The following ERBB4 variants were observed in gnomAD, a reference collection of about 807,000 sequenced individuals.
The protein encoded by ERBB4 is erb-b2 receptor tyrosine kinase 4, also known as receptor tyrosine-protein kinase erbB-4.
A neutral mutation model predicts 158.0 loss-of-function variants in ERBB4; 42 were observed. That is an observed-to-expected ratio of 0.27 (90% confidence interval 0.21 to 0.34). The LOEUF is 0.34. Among genes scored for constraint, ERBB4 ranks in the 10% least tolerant of loss-of-function variants. The pLI is 1.00. For missense variants in ERBB4, 1,333 were observed against 1,624.1 expected, an observed-to-expected ratio of 0.82 and a Z score of 3.08; for synonymous variants, 583 against 558.7, an observed-to-expected ratio of 1.04 and a Z score of -0.61.
Position 211,755,434 on chromosome 2 carries a change from G to A in ERBB4, c.557-4730C>T, listed in dbSNP as rs1005439056. Among the ~76,000 whole-genome samples the A allele has an allele frequency of 8.1e-4, 123 of 152,148 alleles. 1 individual carries two copies. Among genetic ancestry groups the A allele is most frequent in the Admixed American group, 3.9e-4 (6 of 15,282 alleles). ...GGAGGATCACTGGAACCTGGGAGGC[G>A]AAGGTTGCAGTGAGCCATGATTGCT... On this transcript the variant is annotated intron_variant, in intron 4 of 27. Coordinates refer to ENST00000342788, the MANE Select transcript of ERBB4 (RefSeq NM_005235.3).
chr2:211,791,472 T>C (rs1334618575), intron 3 of ERBB4, among the ~76,000 whole-genome samples: 1 of 151,844 alleles, frequency 6.6e-6, no homozygotes, highest in Non-Finnish European at 1.5e-5. Flanking sequence ...ATTTAATTGA[T>C]ACTCAAAGAA....
At chr2:212,194,824 G>T (rs764991492) in intron 1 of ERBB4, among the ~76,000 whole-genome samples, 4 of 151,968 alleles carry the variant, frequency 2.6e-5, no homozygotes, top group Non-Finnish European at 5.9e-5. Flanking sequence ...ATATTAAAAT[G>T]ATATACTTCC....
chr2:212,359,829 C>A (rs2089615643), intron 1 of ERBB4, among the ~76,000 whole-genome samples: 1 of 151,224 alleles, frequency 6.6e-6, no homozygotes, highest in Non-Finnish European at 1.5e-5. Flanking sequence ...ACATTTACCA[C>A]AGAAACAAAG....
At chr2:212,143,796 T>A (rs2080566538) in intron 1 of ERBB4, among the ~76,000 whole-genome samples, 1 of 151,910 alleles carries the variant, frequency 6.6e-6, no homozygotes, top group Non-Finnish European at 1.5e-5. Context: ...GGCGGGCGGA[T>A]CACAAGGTCA....
At chr2:211,821,773 A>G (rs2077000518) in intron 3 of ERBB4, among the ~76,000 whole-genome samples, 1 of 152,014 alleles carries the variant, frequency 6.6e-6, no homozygotes, top group African/African-American at 2.4e-5. Context: ...AGTTTGTTTA[A>G]CAAATGGCGC....
chr2:211,432,559 A>G lies in ERBB4; in HGVS notation c.2488-1459T>C, dbSNP rs185414178. ...GTACATTAAATTAGAAATTCCTATA[A>G]TAAAGTACATCTGAGAACATATAGC... On this transcript the variant is annotated intron_variant, in intron 20 of 27. Coordinates refer to ENST00000342788, the MANE Select transcript of ERBB4 (RefSeq NM_005235.3). 6.6e-5 allele frequency among the ~76,000 whole-genome samples: 10 copies of G among 152,208 alleles called. No homozygotes were observed. The East Asian group carries it at 1.9e-3, about 29-fold the overall frequency.
intron 1 of ERBB4, among the ~76,000 whole-genome samples, chr2:212,455,356 T>C (rs1427397753): frequency 1.6e-5 from 2 of 123,630 alleles, no homozygotes; most frequent in Non-Finnish European, 4.1e-5. Context: ...ATCACCCTCC[T>C]AATCTTATCG....
chr2:211,905,194 A>T (rs774590924), intron 3 of ERBB4, among the ~76,000 whole-genome samples: 1 of 152,044 alleles, frequency 6.6e-6, no homozygotes, highest in Non-Finnish European at 1.5e-5. Context: ...TCCGGAGAAC[A>T]ATCTGTTCAC....
At chr2:211,676,612 G>A (rs145390946) in intron 13 of ERBB4, among the ~76,000 whole-genome samples, 117 of 152,212 alleles carry the variant, frequency 7.7e-4, no homozygotes, top group Middle Eastern at 6.8e-3. Flanking sequence ...GATACCTTAC[G>A]TTCTAGCATT....
chr2:212,110,502 A>T (rs573081508), intron 2 of ERBB4, among the ~76,000 whole-genome samples: 38 of 152,344 alleles, frequency 2.5e-4, no homozygotes, highest in Non-Finnish European at 2.8e-4. Context: ...TGGAGTAATA[A>T]AGCAGTCACT....
At chr2:211,673,440 T>A (rs1382491720) in intron 13 of ERBB4, among the ~76,000 whole-genome samples, 183 bp from the exon 14 acceptor site, 1 of 146,582 alleles carries the variant, frequency 6.8e-6, no homozygotes, top group Non-Finnish European at 1.5e-5. Context: ...GCCAGATGGC[T>A]CTCCCTGTCC....
intron 2 of ERBB4, among the ~76,000 whole-genome samples, chr2:212,075,391 G>C (rs1413744921): frequency 6.6e-6 from 1 of 151,684 alleles, no homozygotes; most frequent in African/African-American, 2.4e-5. Flanking sequence ...GGATGAAAAA[G>C]GGAATAAAAT....
chr2:211,776,791 T>C lies in ERBB4; in HGVS notation c.556+11234A>G, dbSNP rs571399287. 7.9e-5 allele frequency among the ~76,000 whole-genome samples: 12 copies of C among 152,270 alleles called. No individual in the cohort carries two copies. The South Asian group carries it at 2.5e-3, about 32-fold the overall frequency. ...ATATGGTTGATTTAGGGGTATGTTA[T>C]ATTGGGGCAGTGCTTTCAGAGGGAT... On this transcript the variant is annotated intron_variant, in intron 4 of 27. Transcript: ENST00000342788.
At chr2:212,481,072 C>A (rs1689670193) in intron 1 of ERBB4, among the ~76,000 whole-genome samples, 1 of 151,962 alleles carries the variant, frequency 6.6e-6, no homozygotes, top group Non-Finnish European at 1.5e-5. Context: ...GTGCATACAA[C>A]ACATATATAC....
intron 1 of ERBB4, among the ~76,000 whole-genome samples, chr2:212,424,791 A>G (rs2091870976): frequency 6.6e-6 from 1 of 152,094 alleles, no homozygotes; most frequent in Non-Finnish European, 1.5e-5. Flanking sequence ...AAACCCAAAA[A>G]TATACAAATC....
At chr2:211,918,241 T>C (rs767404103) in intron 3 of ERBB4, among the ~76,000 whole-genome samples, 1 of 152,200 alleles carries the variant, frequency 6.6e-6, no homozygotes, top group Non-Finnish European at 1.5e-5. Context: ...AATTAATACC[T>C]GGTTTACAGA....
At chr2:212,527,774 T>C (rs1415663268) in intron 1 of ERBB4, among the ~76,000 whole-genome samples, 1 of 151,824 alleles carries the variant, frequency 6.6e-6, no homozygotes, top group Admixed American at 6.6e-5. Flanking sequence ...TACATATGTA[T>C]ACATGTGCCA....
intron 1 of ERBB4, among the ~76,000 whole-genome samples, chr2:212,415,867 C>T (rs960774201): frequency 1.3e-5 from 2 of 152,072 alleles, no homozygotes; most frequent in Non-Finnish European, 1.5e-5. Context: ...GAACATCCAA[C>T]GAATAGAAAG....
In ERBB4 at chr2:211,386,807, G is replaced by A. The variant is rs776732977; in HGVS notation, c.3481+46C>T. 3.1e-6 allele frequency: 5 copies of A among 1,588,362 alleles called. No individual in the cohort carries two copies. In the Admixed American group the frequency reaches 6.7e-5, roughly 21 times the overall value. ...ATTCTGTACTTTGTTTATCTTGATG[G>A]AAGTGAACTTCGAATGGCGATCGTT... On this transcript the variant is annotated intron_variant, in intron 27 of 27. Transcript: ENST00000342788.
Sources: gnomAD v4.1 joint callset for allele counts (sites outside exome capture counted in the v4.1 genomes callset) on GRCh38, gnomAD v4.1.1 for gene constraint, MANE v1.5 for transcripts, NCBI Gene and HGNC (gene_info 2026-07-23, HGNC 2026-07-21) for gene names.